Variants in AXDND1 observed in about 807,000 individuals in gnomAD.
AXDND1 encodes the protein axonemal dynein light chain domain containing 1, also known as axonemal dynein light chain domain-containing protein 1.
A neutral mutation model predicts 137.5 loss-of-function variants in AXDND1; 110 were observed. The observed-to-expected ratio is 0.80, with a 90% confidence interval of 0.69 to 0.94. The LOEUF (loss-of-function observed/expected upper bound fraction) is 0.94. Ranked by LOEUF, AXDND1 falls within the 40% of genes least tolerant of loss-of-function variation. AXDND1 has a pLI of 0.00. For synonymous variants in AXDND1, 414 were observed against 399.7 expected (o/e 1.04, Z -0.43); for missense variants, 1,191 against 1,169.8 (o/e 1.02, Z -0.26).
At chr1:179,550,348 G>A (rs1418043261) in intron 25 of AXDND1, among the ~76,000 whole-genome samples, 1 of 151,990 alleles carries the variant, frequency 6.6e-6, no homozygotes, top group East Asian at 1.9e-4. Context: ...ATATGTCAGG[G>A]CATGTGTAGG....
chr1:179,393,800 G>T, intron 9 of AXDND1, 103 bp from the exon 10 acceptor site: 1 of 906,340 alleles, frequency 1.1e-6, no homozygotes. Flanking sequence ...GGTTTTCTTG[G>T]TGTATAGCAG....
intron 16 of AXDND1, among the ~76,000 whole-genome samples, chr1:179,461,938 A>AT (rs1662382274): frequency 6.6e-6 from 1 of 152,106 alleles, no homozygotes; most frequent in African/African-American, 2.4e-5. Context: ...GCTTAAGGAG[A>AT]TTTTGGGCTG....
At chr1:179,436,803 T>C (rs572221499) in intron 15 of AXDND1, among the ~76,000 whole-genome samples, 1 of 152,016 alleles carries the variant, frequency 6.6e-6, no homozygotes, top group Admixed American at 6.5e-5. Context: ...GGCACACGTA[T>C]ACCTGTGTAA....
intron 16 of AXDND1, chr1:179,448,547 C>G (rs12739116): frequency 0.28 from 91,010 of 319,344 alleles, 13,888 homozygotes; most frequent in Non-Finnish European, 0.3. Context: ...TCAGCTTCTA[C>G]TCCAAGGGCT....
chr1:179,534,788 C>A lies in AXDND1; in HGVS notation c.2857C>A (p.Leu953Ile). The change falls in exon 25 of 26, where the codon CTT (leucine) becomes ATT (isoleucine). Residue 953 changes from leucine to isoleucine, a missense_variant. Leu to Ile is a conservative substitution (Grantham distance 5). Coordinates refer to ENST00000367618, the MANE Select transcript of AXDND1 (RefSeq NM_144696.6). ...EEKFEDAYEKLHHTLIKNKDL... is the reference protein window; with the variant it reads ...EEKFEDAYEKIHHTLIKNKDL... ...GAAGTTTGAAGATGCATATGAGAAACTTCATCATACCCTTATAAAAAATAA... is the reference window on the plus strand; with the variant it reads ...GAAGTTTGAAGATGCATATGAGAAAATTCATCATACCCTTATAAAAAATAA... 1.2e-6 allele frequency: 2 copies of A among 1,603,082 alleles called. No homozygotes were observed. The highest frequency in any genetic ancestry group is 1.7e-6 in the Non-Finnish European group (2 of 1,177,640).
At chr1:179,379,522 G>A (rs780780952) in intron 6 of AXDND1, 40 bp downstream of exon 6, 14 of 1,603,330 alleles carry the variant, frequency 8.7e-6, no homozygotes, top group Middle Eastern at 1.9e-4. Flanking sequence ...GCCCCAGCTC[G>A]GTGGCCCATG....
At chr1:179,470,107 A>G (rs749039834) in intron 17 of AXDND1, among the ~76,000 whole-genome samples, 5 of 152,190 alleles carry the variant, frequency 3.3e-5, no homozygotes, top group South Asian at 4.1e-4. Context: ...GGTATTGACA[A>G]TTTTGATGAA....
intron 4 of AXDND1, among the ~76,000 whole-genome samples, chr1:179,371,687 TG>T (rs1668054333): frequency 6.6e-6 from 1 of 151,826 alleles, no homozygotes; most frequent in Non-Finnish European, 1.5e-5. Flanking sequence ...TCTTTAAAAG[TG>T]GAAAAGGAAG....
At chr1:179,473,202 T>C (rs12133017) in intron 17 of AXDND1, among the ~76,000 whole-genome samples, 83,404 of 151,840 alleles carry the variant, frequency 0.55, 23,212 homozygotes, top group East Asian at 0.76. Context: ...TACCATAACC[T>C]CCTTAATTTA....
intron 5 of AXDND1, among the ~76,000 whole-genome samples, chr1:179,379,095 A>T (rs1177605221): frequency 1.3e-5 from 2 of 152,180 alleles, no homozygotes; most frequent in Non-Finnish European, 2.9e-5. Context: ...TGCTAAGTTG[A>T]ATTTTAAATT....
intron 21 of AXDND1, among the ~76,000 whole-genome samples, chr1:179,521,365 G>A (rs779998921): frequency 7.9e-5 from 12 of 152,026 alleles, no homozygotes; most frequent in Middle Eastern, 3.4e-3. Context: ...GGATTCTTTG[G>A]GGTTTTCTAG....
At chr1:179,392,837 ATTTGTTG>A (rs1650406003) in intron 9 of AXDND1, among the ~76,000 whole-genome samples, 1 of 149,188 alleles carries the variant, frequency 6.7e-6, no homozygotes, top group African/African-American at 2.5e-5. Context: ...TTTCTTGCTG[ATTTGTTG>A]GAGTTCATCG....
chr1:179,505,875 A>C (rs1668493693), intron 20 of AXDND1, among the ~76,000 whole-genome samples: 1 of 152,182 alleles, frequency 6.6e-6, no homozygotes, highest in Non-Finnish European at 1.5e-5. Context: ...GCATAGCTTG[A>C]TCCAGTCTGA....
At position 179,506,845 on chromosome 1, in the gene AXDND1, C is replaced by T. The variant is rs148397319; in HGVS notation, c.2389-2451C>T. The T allele has an allele frequency of 5.4e-4, 530 of 985,336 alleles. 1 individual carries two copies. The African/African-American group carries it at 8.4e-3, about 16-fold the overall frequency. The allele number at this position is 985,336 out of a possible 1,614,324, so 61.0% of individuals were successfully genotyped here. A position where few individuals can be genotyped will look rare whatever the true frequency, so the allele number is the denominator to read the frequency against. On this transcript the variant is annotated intron_variant, in intron 20 of 25. Transcript: ENST00000367618. ...TTTATGTCACCAGAGATAGCACTGC[C>T]GGTTCCAGGATTTGGTCCTCCAAAA...
chr1:179,489,918 G>C (rs918990900), intron 18 of AXDND1, among the ~76,000 whole-genome samples: 1 of 151,870 alleles, frequency 6.6e-6, no homozygotes, highest in Non-Finnish European at 1.5e-5. Context: ...CTAATTTTTT[G>C]TATTTTTAGT....
Position 179,445,520 on chromosome 1 carries a change from C to T in AXDND1, c.1798+316C>T, listed in dbSNP as rs76781727. On this transcript the variant is annotated intron_variant, in intron 16 of 25. Coordinates refer to ENST00000367618, the MANE Select transcript of AXDND1 (RefSeq NM_144696.6). ...ATACTCTTTAGCTCTCACCCTCTTA[C>T]CCCCAACATCGTCACTTCAGTCCTA... Among the ~76,000 whole-genome samples, 875 of 152,192 alleles carry T rather than the reference C, an allele frequency of 5.7e-3. 8 individuals are homozygous for T. Among genetic ancestry groups the T allele is most frequent in the African/African-American group, 0.02 (836 of 41,548 alleles).
In AXDND1 at chr1:179,492,927, C is replaced by T; in HGVS notation, c.2364C>T (p.Asp788=). The change falls in exon 20 of 26, where the codon GAC becomes GAT. Residue 788 remains aspartate (D), a synonymous_variant. Coordinates refer to ENST00000367618, the MANE Select transcript of AXDND1 (RefSeq NM_144696.6). ...ACTCACACAAAAATGCTACTGAAGA[C>T]CTTTATGAGGTGGATAAGTTGAAGG... is the stretch of plus-strand genomic sequence containing the variant. The part of the protein sequence containing the change: ...STNSHKNATE[D]LYEVDKLKKE... 4 of 1,608,898 alleles carry T rather than the reference C, an allele frequency of 2.5e-6. No individual in the cohort carries two copies. The highest frequency in any genetic ancestry group is 3.4e-6 in the Non-Finnish European group (4 of 1,177,340).
intron 16 of AXDND1, chr1:179,456,520 A>G: frequency 1.3e-6 from 1 of 774,050 alleles, no homozygotes; most frequent in Non-Finnish European, 2.4e-6. Context: ...TGGCTTCCAT[A>G]ACCCTGTCCA....
chr1:179,519,197 T>C (rs1669827311), intron 21 of AXDND1, among the ~76,000 whole-genome samples: 1 of 152,236 alleles, frequency 6.6e-6, no homozygotes, highest in Non-Finnish European at 1.5e-5. Context: ...TTTTCAAAAC[T>C]GTCTGTTCAT....
Sources: gnomAD v4.1 joint callset for allele counts (sites outside exome capture counted in the v4.1 genomes callset) on GRCh38, gnomAD v4.1.1 for gene constraint, MANE v1.5 for transcripts, NCBI Gene and HGNC (gene_info 2026-07-23, HGNC 2026-07-21) for gene names.